The following MAGI2 variants were observed in gnomAD, a reference collection of about 807,000 sequenced individuals.
MAGI2 encodes the protein membrane associated guanylate kinase, WW and PDZ domain containing 2, also known as membrane-associated guanylate kinase, WW and PDZ domain-containing protein 2.
In MAGI2, 35 loss-of-function variants were observed where a neutral mutation model predicts 133.3. The ratio of observed to expected loss-of-function variants is 0.26; its 90% confidence interval spans 0.20 to 0.35. MAGI2 has a LOEUF of 0.35. Among genes scored for constraint, MAGI2 ranks in the 10% least tolerant of loss-of-function variants. MAGI2 has a pLI of 1.00. For missense variants in MAGI2, 1,636 were observed against 1,863.4 expected (o/e 0.88, Z 2.25); for synonymous variants, 729 against 710.6 (o/e 1.03, Z -0.41).
intron 3 of MAGI2, among the ~76,000 whole-genome samples, chr7:78,569,187 C>A (rs546591457): frequency 2.0e-5 from 3 of 152,066 alleles, no homozygotes; most frequent in Non-Finnish European, 4.4e-5. Context: ...GAGCCCTTAT[C>A]GCCACCTGAC....
chr7:79,147,979 CA>C (rs1822813751), intron 1 of MAGI2, among the ~76,000 whole-genome samples: 1 of 152,096 alleles, frequency 6.6e-6, no homozygotes. Flanking sequence ...TGCTACTGTA[CA>C]TAGATAAAGG....
At chr7:78,378,934 G>A (rs558278112) in intron 6 of MAGI2, among the ~76,000 whole-genome samples, 11 of 151,990 alleles carry the variant, frequency 7.2e-5, no homozygotes, top group Admixed American at 1.3e-4. Flanking sequence ...ATGAGCTCAC[G>A]TACTATTGCT....
chr7:78,753,251 A>G (rs1215249743), intron 2 of MAGI2, among the ~76,000 whole-genome samples: 1 of 140,534 alleles, frequency 7.1e-6, no homozygotes, highest in Non-Finnish European at 1.5e-5. Context: ...ATCAATAAAC[A>G]GACAGGAAAT....
intron 4 of MAGI2, among the ~76,000 whole-genome samples, chr7:78,511,530 C>G (rs1401672438): frequency 1.8e-5 from 2 of 111,440 alleles, no homozygotes; most frequent in Non-Finnish European, 1.9e-5. Flanking sequence ...TGCTCACCAT[C>G]TTTTATATAT....
At chr7:78,909,119 A>G (rs1200365516) in intron 2 of MAGI2, among the ~76,000 whole-genome samples, 1 of 148,198 alleles carries the variant, frequency 6.7e-6, no homozygotes, top group Non-Finnish European at 1.5e-5. Context: ...ATGTACAAGA[A>G]AAAAAAAAAA....
In MAGI2 at chr7:78,271,183, G is replaced by A. The variant is rs1794538068; in HGVS notation, c.1409-14602C>T. Among the ~76,000 whole-genome samples the A allele has an allele frequency of 2.0e-5, 3 of 152,234 alleles. No individual in the cohort carries two copies. The South Asian group carries it at 6.2e-4, about 32-fold the overall frequency. On this transcript the variant is annotated intron_variant, in intron 9 of 21. Transcript: ENST00000354212. ...TTGAGAGTTTTTAGCATGAAGGGGT[G>A]TTGAATTTTATCAAAGGCCTTTTCT... is the stretch of plus-strand genomic sequence containing the variant.
chr7:78,264,276 T>A (rs760459563), intron 9 of MAGI2, among the ~76,000 whole-genome samples: 4 of 152,122 alleles, frequency 2.6e-5, no homozygotes, highest in African/African-American at 9.7e-5. Context: ...TAAAGTCACA[T>A]TGATAATTAG....
At chr7:79,342,056 G>A (rs745807603) in intron 1 of MAGI2, among the ~76,000 whole-genome samples, 15 of 152,220 alleles carry the variant, frequency 9.9e-5, no homozygotes, top group East Asian at 9.7e-4. Context: ...GTACTGTAAC[G>A]GAGGCTGATT....
intron 1 of MAGI2, among the ~76,000 whole-genome samples, chr7:79,240,194 ACAGT>A (rs1480646444): frequency 6.6e-6 from 1 of 152,122 alleles, no homozygotes; most frequent in Non-Finnish European, 1.5e-5. Flanking sequence ...GGGCCCAGTG[ACAGT>A]CAGGTCTTAA....
chr7:78,380,968 T>C (rs893031138), intron 6 of MAGI2, among the ~76,000 whole-genome samples: 3 of 152,192 alleles, frequency 2.0e-5, no homozygotes, highest in Non-Finnish European at 4.4e-5. Context: ...ATATAATTGA[T>C]GGAAATGAGC....
At chr7:79,023,122 A>C (rs1809510897) in intron 1 of MAGI2, among the ~76,000 whole-genome samples, 1 of 152,198 alleles carries the variant, frequency 6.6e-6, no homozygotes, top group Non-Finnish European at 1.5e-5. Flanking sequence ...GCAGTACATC[A>C]AAAAGTGTAT....
chr7:79,406,792 CTTA>C (rs1845835581), intron 1 of MAGI2, among the ~76,000 whole-genome samples: 1 of 152,010 alleles, frequency 6.6e-6, no homozygotes, highest in Admixed American at 6.6e-5. Context: ...AGAAATGAAC[CTTA>C]TTTAGACTTT....
intron 2 of MAGI2, among the ~76,000 whole-genome samples, chr7:78,740,077 C>T (rs1027964887): frequency 1.4e-4 from 21 of 151,810 alleles, no homozygotes; most frequent in African/African-American, 4.6e-4. Context: ...AGGAGAATGG[C>T]GTGAACCCGG....
At chr7:79,151,002 GTTTTGT>G (rs377630955) in intron 1 of MAGI2, among the ~76,000 whole-genome samples, 1 of 151,734 alleles carries the variant, frequency 6.6e-6, no homozygotes, top group African/African-American at 2.4e-5. Flanking sequence ...TGTTTGTTTT[GTTTTGT>G]TTTTGTTTTT....
At chr7:78,781,248 G>A (rs1020686822) in intron 2 of MAGI2, among the ~76,000 whole-genome samples, 2 of 151,558 alleles carry the variant, frequency 1.3e-5, no homozygotes, top group South Asian at 4.2e-4. Flanking sequence ...ACATGGTGGC[G>A]GGCGCCTGTA....
chr7:78,312,287 G>C (rs1172811350), intron 9 of MAGI2, among the ~76,000 whole-genome samples: 1 of 151,822 alleles, frequency 6.6e-6, no homozygotes, highest in Non-Finnish European at 1.5e-5. Context: ...GGAAAAATTA[G>C]GGTCAAAATG....
intron 16 of MAGI2, among the ~76,000 whole-genome samples, chr7:78,141,131 G>A (rs1822701670): frequency 6.6e-6 from 1 of 152,112 alleles, no homozygotes; most frequent in Non-Finnish European, 1.5e-5. Context: ...GGGGAGACAA[G>A]GAGAGGTGCT....
intron 2 of MAGI2, among the ~76,000 whole-genome samples, chr7:79,002,881 G>GTC (rs1807027055): frequency 1.3e-5 from 2 of 149,828 alleles, no homozygotes; most frequent in Non-Finnish European, 3.0e-5. Context: ...GTGTGTGTGT[G>GTC]TGTGTGTGTG....
intron 21 of MAGI2, among the ~76,000 whole-genome samples, chr7:78,071,438 G>A (rs897704548): frequency 6.6e-6 from 1 of 152,188 alleles, no homozygotes; most frequent in African/African-American, 2.4e-5. Context: ...TCAGGAGGCT[G>A]AAGCAGGAGG....
Sources: gnomAD v4.1 joint callset for allele counts (sites outside exome capture counted in the v4.1 genomes callset) on GRCh38, gnomAD v4.1.1 for gene constraint, MANE v1.5 for transcripts, NCBI Gene and HGNC (gene_info 2026-07-23, HGNC 2026-07-21) for gene names.